SRRM3: variants seen among roughly 807,000 people sequenced by gnomAD.
The protein encoded by SRRM3 is serine/arginine repetitive matrix 3.
In SRRM3, 27 loss-of-function variants were observed where a neutral mutation model predicts 66.2. The ratio of observed to expected loss-of-function variants is 0.41; its 90% CI spans 0.30 to 0.56. The LOEUF (loss-of-function observed/expected upper bound fraction) is 0.56. Among genes scored for constraint, SRRM3 ranks in the 20% least tolerant of loss-of-function variants. The pLI is 0.32. For synonymous variants in SRRM3, 391 were observed against 414.9 expected (o/e 0.94, Z 0.70); for missense variants, 918 against 991.9 (o/e 0.93, Z 1.00).
rs774443416 is a variant in SRRM3 at position 76,270,074 on chromosome 7, C to T, written c.1008+2639C>T. 99 of 152,124 alleles carry T rather than the reference C, an allele frequency of 6.5e-4. 1 individual carries two copies. Among genetic ancestry groups the T allele is most frequent in the African/African-American group, 2.3e-3 (96 of 41,440 alleles). The allele number at this position is 152,124 out of a possible 1,614,324, so 9.4% of individuals were successfully genotyped here. The stretch of plus-strand genomic sequence containing the variant: ...AACTCCAGGCACAGGCTGGAGCTGC[C>T]GCAGATTTTAAATTAACTATAGTGG... On this transcript the variant is annotated intron_variant, in intron 11 of 14. Coordinates refer to ENST00000611745, the MANE Select transcript of SRRM3 (RefSeq NM_001110199.3).
intron 2 of SRRM3, among the ~76,000 whole-genome samples, chr7:76,245,167 C>T (rs542986583): frequency 6.6e-6 from 1 of 152,256 alleles, no homozygotes; most frequent in East Asian, 1.9e-4. Context: ...ACAGGGTAGA[C>T]CTGAAAGTTA....
intron 3 of SRRM3, among the ~76,000 whole-genome samples, chr7:76,250,901 C>T (rs555723436): frequency 2.0e-5 from 3 of 152,184 alleles, no homozygotes; most frequent in Non-Finnish European, 2.9e-5. Context: ...CTGTTTCTAT[C>T]ATCACTACCC....
chr7:76,231,225 G>A (rs1374636887), intron 1 of SRRM3, among the ~76,000 whole-genome samples: 5 of 152,090 alleles, frequency 3.3e-5, no homozygotes, highest in Admixed American at 3.3e-4. Flanking sequence ...TTCCCACCTG[G>A]TGCCTCTCCA....
At position 76,212,631 on chromosome 7, in the gene SRRM3, G is replaced by C. The variant is rs191682565; in HGVS notation, c.-40+10564G>C. Among the ~76,000 whole-genome samples, 376 of 151,054 alleles carry C rather than the reference G, an allele frequency of 2.5e-3. 1 individual carries two copies. Among genetic ancestry groups the C allele is most frequent in the Non-Finnish European group, 3.9e-3 (262 of 67,838 alleles). On this transcript the variant is annotated intron_variant, in intron 1 of 14. Transcript: ENST00000611745. ...TTACAGGCACCCGCCACCATGCCCG[G>C]CTAATTTTTGTGTTTTTAGTAGAGA... is the stretch of plus-strand genomic sequence containing the variant.
intron 1 of SRRM3, among the ~76,000 whole-genome samples, chr7:76,234,531 A>T (rs1801093115): frequency 6.6e-6 from 1 of 152,096 alleles, no homozygotes; most frequent in East Asian, 1.9e-4. Flanking sequence ...CCCTCTCTGT[A>T]GGGCTGCCCT....
Position 76,235,303 on chromosome 7 carries a change from A to T in SRRM3, c.233+4A>T. The T allele has an allele frequency of 1.3e-6, 2 of 1,497,042 alleles. No individual in the cohort carries two copies. Among genetic ancestry groups the T allele is most frequent in the Middle Eastern group, 2.2e-4 (1 of 4,616 alleles). The allele number at this position is 1,497,042 out of a possible 1,614,324, so 92.7% of individuals were successfully genotyped here. Reference sequence around the variant, plus strand: ...AGGAGATGATGGAGGAGCAGGGGTGAGCAGGCCGCGGGGCGGGACTGGGGT... The same window carrying T: ...AGGAGATGATGGAGGAGCAGGGGTGTGCAGGCCGCGGGGCGGGACTGGGGT... On this transcript the variant is annotated splice_donor_region_variant and intron_variant, in intron 2 of 14. Transcript: ENST00000611745.
intron 1 of SRRM3, among the ~76,000 whole-genome samples, chr7:76,217,746 A>G (rs1401543394): frequency 6.6e-6 from 1 of 152,166 alleles, no homozygotes; most frequent in Non-Finnish European, 1.5e-5. Context: ...AGATGTCCCA[A>G]TAATGAGGCA....
intron 2 of SRRM3, among the ~76,000 whole-genome samples, chr7:76,247,142 A>G (rs1554606253): frequency 6.6e-6 from 1 of 152,052 alleles, no homozygotes; most frequent in Non-Finnish European, 1.5e-5. Context: ...GCAGTGAGAG[A>G]GAATGACCAC....
intron 11 of SRRM3, among the ~76,000 whole-genome samples, chr7:76,279,855 C>T (rs1802449340): frequency 6.6e-6 from 1 of 152,186 alleles, no homozygotes; most frequent in Non-Finnish European, 1.5e-5. Flanking sequence ...CTCTATCCAG[C>T]GGTCACCTAA....
intron 2 of SRRM3, among the ~76,000 whole-genome samples, chr7:76,245,231 G>A (rs1801409153): frequency 6.6e-6 from 1 of 152,132 alleles, no homozygotes; most frequent in South Asian, 2.1e-4. Context: ...GAAGATAATT[G>A]TCAAATTGCT....
chr7:76,242,624 C>A (rs1244162813), intron 2 of SRRM3, among the ~76,000 whole-genome samples: 1 of 152,094 alleles, frequency 6.6e-6, no homozygotes, highest in Non-Finnish European at 1.5e-5. Context: ...AATAATTCTA[C>A]AACTCACCAT....
At chr7:76,233,715 C>T (rs1053818383) in intron 1 of SRRM3, among the ~76,000 whole-genome samples, 2 of 152,120 alleles carry the variant, frequency 1.3e-5, no homozygotes, top group Admixed American at 1.3e-4. Flanking sequence ...AAATCAGAGG[C>T]TCAGAGAGGG....
At chr7:76,234,693 ATGTC>A (rs1345012935) in intron 1 of SRRM3, among the ~76,000 whole-genome samples, 1 of 152,112 alleles carries the variant, frequency 6.6e-6, no homozygotes, top group Non-Finnish European at 1.5e-5. Flanking sequence ...GGGCGCTGGG[ATGTC>A]TGGCCCAAGC....
chr7:76,276,717 C>T (rs1305438019), intron 11 of SRRM3, among the ~76,000 whole-genome samples: 3 of 152,094 alleles, frequency 2.0e-5, no homozygotes, highest in Non-Finnish European at 2.9e-5. Context: ...AAGCTGAGGA[C>T]GAGGCTCAGA....
rs536718603 is a variant in SRRM3, at chr7:76,284,995, C to T, written c.1734-620C>T. Among the ~76,000 whole-genome samples, 9 of 152,250 alleles carry T rather than the reference C, an allele frequency of 5.9e-5. No homozygotes were observed. The South Asian group carries it at 1.0e-3, about 18-fold the overall frequency. On this transcript the variant is annotated intron_variant, in intron 14 of 14. Coordinates refer to ENST00000611745, the MANE Select transcript of SRRM3 (RefSeq NM_001110199.3). ...GGGGAACAGAGAGGCAGGGCTGGGA[C>T]GTAGTCACAGACACTTACACGCCAG...
intron 3 of SRRM3, among the ~76,000 whole-genome samples, chr7:76,252,947 T>A (rs1355082637): frequency 2.6e-5 from 4 of 150,944 alleles, no homozygotes; most frequent in Non-Finnish European, 5.9e-5. Context: ...GTGGATCACT[T>A]GAGGTCAGGA....
At chr7:76,264,161 CTTTTTT>C (rs781826102) in intron 8 of SRRM3, among the ~76,000 whole-genome samples, 7 of 126,362 alleles carry the variant, frequency 5.5e-5, no homozygotes, top group Non-Finnish European at 1.2e-4. Flanking sequence ...CAACCCCTGC[CTTTTTT>C]TTTTTTTTTT....
At chr7:76,282,624 T>C in intron 12 of SRRM3, 24 bp from the exon 13 acceptor site, 2 of 1,081,398 alleles carry the variant, frequency 1.8e-6, no homozygotes, top group South Asian at 1.7e-5. Flanking sequence ...CTGAGCCCTA[T>C]CCCGCGCCGT....
intron 11 of SRRM3, chr7:76,270,125 A>G (rs2117085325): frequency 6.6e-6 from 1 of 152,364 alleles, no homozygotes; most frequent in African/African-American, 2.4e-5. Context: ...TGCGTTCCCC[A>G]GGAAGCTGGA....
Sources: gnomAD v4.1 joint callset for allele counts (sites outside exome capture counted in the v4.1 genomes callset) on GRCh38, gnomAD v4.1.1 for gene constraint, MANE v1.5 for transcripts, NCBI Gene and HGNC (gene_info 2026-07-23, HGNC 2026-07-21) for gene names.